Variants in PDE4D observed in about 807,000 individuals in gnomAD.
The protein encoded by PDE4D is phosphodiesterase 4D, also known as 3',5'-cyclic-AMP phosphodiesterase 4D.
PDE4D carries 24 observed loss-of-function variants against 87.4 expected under a neutral mutation model. The ratio of observed to expected loss-of-function variants is 0.27; its 90% CI spans 0.20 to 0.39. The LOEUF is 0.39. PDE4D is among the 10% of genes least tolerant of loss of function. The pLI, the probability that PDE4D is intolerant of heterozygous loss-of-function variation, is 1.00. For synonymous variants in PDE4D, 384 were observed against 383.2 expected, an observed-to-expected ratio of 1.00 and a Z score of -0.02; for missense variants, 714 against 1,041.0, an observed-to-expected ratio of 0.69 and a Z score of 4.32.
chr5:59,750,965 A>AAAG (rs1393434468), intron 1 of PDE4D, among the ~76,000 whole-genome samples: 2 of 151,668 alleles, frequency 1.3e-5, no homozygotes, highest in Non-Finnish European at 2.9e-5. Context: ...AAAAAAAAAA[A>AAAG]AAAGTATGCC....
chr5:59,464,860 C>G (rs1181751418), intron 1 of PDE4D, among the ~76,000 whole-genome samples: 6 of 152,068 alleles, frequency 3.9e-5, no homozygotes, highest in Non-Finnish European at 8.8e-5. Context: ...CTTTGAATTT[C>G]TATATTCTGG....
chr5:59,336,342 C>T (rs540530316), intron 1 of PDE4D, among the ~76,000 whole-genome samples: 36 of 152,318 alleles, frequency 2.4e-4, no homozygotes, highest in African/African-American at 8.7e-4. Context: ...TTCCTGTCCC[C>T]ATCCATCAGT....
At chr5:59,215,225 T>C (rs1163650546) in intron 2 of PDE4D, among the ~76,000 whole-genome samples, 1 of 151,746 alleles carries the variant, frequency 6.6e-6, no homozygotes, top group Non-Finnish European at 1.5e-5. Context: ...GTCTGTCTAA[T>C]GTTTTCTGTG....
intron 1 of PDE4D, among the ~76,000 whole-genome samples, chr5:59,557,151 G>A (rs1819082462): frequency 6.6e-6 from 1 of 152,120 alleles, no homozygotes; most frequent in African/African-American, 2.4e-5. Context: ...GGTTCCCCAA[G>A]AGTAAACATA....
intron 1 of PDE4D, among the ~76,000 whole-genome samples, chr5:59,533,718 A>T (rs904604788): frequency 2.6e-5 from 4 of 152,176 alleles, no homozygotes; most frequent in Non-Finnish European, 5.9e-5. Flanking sequence ...AAAAAATTGG[A>T]GGCTGTACCA....
intron 1 of PDE4D, among the ~76,000 whole-genome samples, chr5:59,882,016 T>G (rs1749501237): frequency 1.3e-5 from 2 of 152,226 alleles, no homozygotes; most frequent in South Asian, 4.1e-4. Context: ...CCTATCCCAT[T>G]GAAGCCATGA....
intron 6 of PDE4D, among the ~76,000 whole-genome samples, chr5:59,010,501 T>C (rs536544788): frequency 6.6e-6 from 1 of 152,136 alleles, no homozygotes; most frequent in South Asian, 2.1e-4. Context: ...GTGCAGTTTG[T>C]TACCTGGACC....
chr5:60,250,304 G>T (rs549292334), intron 1 of PDE4D, among the ~76,000 whole-genome samples: 2 of 151,794 alleles, frequency 1.3e-5, no homozygotes, highest in South Asian at 4.2e-4. Context: ...TCCTGTTTTA[G>T]GTCCCCAGTC....
intron 1 of PDE4D, among the ~76,000 whole-genome samples, chr5:60,310,958 G>A (rs1423294490): frequency 6.6e-6 from 1 of 151,854 alleles, no homozygotes; most frequent in Non-Finnish European, 1.5e-5. Flanking sequence ...TAGGAAATAT[G>A]AAGGTTCACA....
At chr5:60,237,361 A>C (rs1746542428) in intron 1 of PDE4D, among the ~76,000 whole-genome samples, 1 of 152,030 alleles carries the variant, frequency 6.6e-6, no homozygotes, top group Admixed American at 6.6e-5. Context: ...AAAGACTAAA[A>C]TGTCCCACAA....
intron 2 of PDE4D, among the ~76,000 whole-genome samples, chr5:60,154,652 G>C (rs1781803367): frequency 6.6e-6 from 1 of 152,126 alleles, no homozygotes; most frequent in South Asian, 2.1e-4. Flanking sequence ...TTTATAAAGA[G>C]TACACCACAT....
chr5:59,957,163 T>C (rs1758921034), intron 3 of PDE4D, among the ~76,000 whole-genome samples: 1 of 152,216 alleles, frequency 6.6e-6, no homozygotes, highest in South Asian at 2.1e-4. Context: ...GCTGTGGCCA[T>C]GGTATCCAAT....
chr5:59,794,074 T>A lies in PDE4D; in HGVS notation c.455+99094A>T, dbSNP rs150098720. Among the ~76,000 whole-genome samples the A allele has an allele frequency of 2.1e-4, 30 of 146,226 alleles. No individual in the cohort carries two copies. The East Asian group carries it at 6.2e-3, about 30-fold the overall frequency. ...GCACATGCACACACACAGATGCACA[T>A]ACAGACATGGACACAGACATACACA... On this transcript the variant is annotated intron_variant, in intron 1 of 14. Transcript: ENST00000340635.
intron 1 of PDE4D, among the ~76,000 whole-genome samples, chr5:59,829,956 T>C (rs1407999478): frequency 6.6e-6 from 1 of 151,488 alleles, no homozygotes; most frequent in Non-Finnish European, 1.5e-5. Context: ...TCCTTTAGCA[T>C]TGTTTCTTCT....
At chr5:59,502,087 G>C (rs1808383608) in intron 1 of PDE4D, among the ~76,000 whole-genome samples, 1 of 152,008 alleles carries the variant, frequency 6.6e-6, no homozygotes, top group Non-Finnish European at 1.5e-5. Flanking sequence ...TTCATGCCAT[G>C]GTTTCTTTAC....
At chr5:59,611,111 G>A (rs1163518857) in intron 1 of PDE4D, among the ~76,000 whole-genome samples, 1 of 152,130 alleles carries the variant, frequency 6.6e-6, no homozygotes, top group African/African-American at 2.4e-5. Context: ...CAAAATACCT[G>A]AGTAGATTAG....
At chr5:59,962,617 T>C (rs1271030572) in intron 3 of PDE4D, among the ~76,000 whole-genome samples, 1 of 152,176 alleles carries the variant, frequency 6.6e-6, no homozygotes, top group African/African-American at 2.4e-5. Flanking sequence ...TTTTTAAAAA[T>C]CAACAATCCT....
chr5:59,465,969 T>C (rs1801530418), intron 1 of PDE4D, among the ~76,000 whole-genome samples: 2 of 152,204 alleles, frequency 1.3e-5, no homozygotes, highest in South Asian at 4.1e-4. Flanking sequence ...TTTTGTTTTG[T>C]TTTTTTAGAA....
At chr5:59,323,216 T>G (rs902012562) in intron 1 of PDE4D, among the ~76,000 whole-genome samples, 1 of 152,124 alleles carries the variant, frequency 6.6e-6, no homozygotes, top group Non-Finnish European at 1.5e-5. Flanking sequence ...AACTAAAATT[T>G]TTTTCTTTCA....
Sources: gnomAD v4.1 joint callset for allele counts (sites outside exome capture counted in the v4.1 genomes callset) on GRCh38, gnomAD v4.1.1 for gene constraint, MANE v1.5 for transcripts, NCBI Gene and HGNC (gene_info 2026-07-23, HGNC 2026-07-21) for gene names.